The following RYR2 variants were observed in gnomAD, a reference collection of about 807,000 sequenced individuals.
The protein encoded by RYR2 is ryanodine receptor 2.
A neutral mutation model predicts 601.1 loss-of-function variants in RYR2; 227 were observed. That is an observed-to-expected ratio of 0.38 (90% CI 0.34 to 0.42). The LOEUF is 0.42. Ranked by LOEUF, RYR2 falls within the 10% of genes least tolerant of loss-of-function variation. The pLI is 1.00. For synonymous variants in RYR2, 2,223 were observed against 2,175.1 expected, an observed-to-expected ratio of 1.02 and a Z score of -0.61; for missense variants, 4,646 against 6,156.5, an observed-to-expected ratio of 0.75 and a Z score of 8.21.
At chr1:237,506,075 G>T (rs77773566) in intron 22 of RYR2, among the ~76,000 whole-genome samples, 1,523 of 152,150 alleles carry the variant, frequency 0.01, 29 homozygotes, top group African/African-American at 0.033. Context: ...GTAAGAGCTT[G>T]GGGATGATTT....
Position 237,106,169 on chromosome 1 carries a change from T to G in RYR2, c.48+63600T>G, listed in dbSNP as rs750671014. On this transcript the variant is annotated intron_variant, in intron 1 of 104. Coordinates refer to ENST00000366574, the MANE Select transcript of RYR2 (RefSeq NM_001035.3). The surrounding 1 kb of genome is among the most constrained non-coding windows in gnomAD (Gnocchi z 4.4). ...TGGGAGTCATTGCAATCCTTTGAGCTGAGGGGTAGCTCGTTCTGATTTTCA... is the reference window on the plus strand; with the variant it reads ...TGGGAGTCATTGCAATCCTTTGAGCGGAGGGGTAGCTCGTTCTGATTTTCA... 3.9e-5 allele frequency among the ~76,000 whole-genome samples: 6 copies of G among 152,316 alleles called. No individual in the cohort carries two copies. The highest frequency in any genetic ancestry group is 3.4e-3 in the Middle Eastern group (1 of 294).
intron 2 of RYR2, among the ~76,000 whole-genome samples, chr1:237,294,546 C>T (rs1692559079): frequency 6.6e-6 from 1 of 151,774 alleles, no homozygotes; most frequent in African/African-American, 2.4e-5. Context: ...TGGAAAATGA[C>T]TAAAAATGCT....
chr1:237,577,693 G>C (rs1673421983), intron 29 of RYR2, among the ~76,000 whole-genome samples: 1 of 135,794 alleles, frequency 7.4e-6, no homozygotes, highest in African/African-American at 2.8e-5. Context: ...TAGGTTGGTA[G>C]ATACTTAAGA....
At position 237,650,100 on chromosome 1, in the gene RYR2, G is replaced by A. The variant is rs1014182598; in HGVS notation, c.7733+3G>A. 9 of 1,611,052 alleles carry A rather than the reference G, an allele frequency of 5.6e-6. No individual in the cohort carries two copies. Among genetic ancestry groups the A allele is most frequent in the Admixed American group, 5.0e-5 (3 of 59,974 alleles). ...GTTTGTTTACTCTCTATTTGTGGGT[G>A]AGTGGATAACAAATTCTATTCCGGC... On this transcript the variant is annotated splice_donor_region_variant and intron_variant, in intron 50 of 104. Coordinates refer to ENST00000366574, the MANE Select transcript of RYR2 (RefSeq NM_001035.3).
intron 41 of RYR2, among the ~76,000 whole-genome samples, chr1:237,629,297 A>G (rs1214864273): frequency 6.6e-6 from 1 of 152,180 alleles, no homozygotes; most frequent in African/African-American, 2.4e-5. Context: ...TTTGTGGTAC[A>G]GCAAAAGCCC....
chr1:237,220,543 A>C (rs115029294), intron 1 of RYR2, among the ~76,000 whole-genome samples: 191 of 152,178 alleles, frequency 1.3e-3, no homozygotes, highest in African/African-American at 4.5e-3. Context: ...CCTGTGAGCC[A>C]ATTCCTCCCA....
At position 237,784,925 on chromosome 1, in the gene RYR2, C is replaced by T. The variant is rs568257273; in HGVS notation, c.13213C>T (p.Leu4405Phe). The change falls in exon 90 of 105, where the codon CTC becomes TTC. Residue 4405 changes from leucine to phenylalanine, a missense_variant. Coordinates refer to ENST00000366574, the MANE Select transcript of RYR2 (RefSeq NM_001035.3). The surrounding 1 kb of genome is among the most constrained non-coding windows in gnomAD (Gnocchi z 7.1). ...PHNPNAGLSD[L>F]MSNPVPMPEV... is the part of the protein sequence containing the mutation. The stretch of plus-strand genomic sequence containing the variant: ...TAATCCAAATGCTGGGCTCAGTGAC[C>T]TCATGAGCAACCCAGTCCCCATGCC... 21 of 1,607,668 alleles carry T rather than the reference C, an allele frequency of 1.3e-5. No individual in the cohort carries two copies. In the South Asian group the frequency reaches 2.3e-4, roughly 18 times the overall value.
chr1:237,679,558 A>G (rs771554186), intron 61 of RYR2, among the ~76,000 whole-genome samples: 4 of 152,200 alleles, frequency 2.6e-5, no homozygotes, highest in Non-Finnish European at 5.9e-5. Flanking sequence ...TCAGTGACAA[A>G]CAGAAGAGAC....
chr1:237,479,186 C>T (rs1261494252), intron 17 of RYR2, among the ~76,000 whole-genome samples: 1 of 152,126 alleles, frequency 6.6e-6, no homozygotes, highest in Non-Finnish European at 1.5e-5. Context: ...AAGTGATTTG[C>T]TCAGTTTTCC....
At chr1:237,794,047 G>A (rs769093599) in intron 95 of RYR2, 50 bp downstream of exon 95, 3 of 1,523,960 alleles carry the variant, frequency 2.0e-6, no homozygotes. Flanking sequence ...TTTCAGACAT[G>A]AAAATATTTG....
intron 97 of RYR2, among the ~76,000 whole-genome samples, chr1:237,800,455 A>C (rs2149413590): frequency 6.6e-6 from 1 of 152,288 alleles, no homozygotes; most frequent in South Asian, 2.1e-4. Flanking sequence ...AGTAAGTTAA[A>C]TGAGCCTTAA....
At chr1:237,210,360 A>T (rs1193430753) in intron 1 of RYR2, among the ~76,000 whole-genome samples, 1 of 152,150 alleles carries the variant, frequency 6.6e-6, no homozygotes, top group Non-Finnish European at 1.5e-5. Context: ...ATTTTTGAAT[A>T]AAAAGAGCCT....
intron 27 of RYR2, among the ~76,000 whole-genome samples, chr1:237,560,521 T>C (rs1405181171): frequency 3.9e-5 from 6 of 152,200 alleles, no homozygotes; most frequent in Non-Finnish European, 5.9e-5. Flanking sequence ...TTCACTATGA[T>C]TGAGGGTCCT....
intron 1 of RYR2, among the ~76,000 whole-genome samples, chr1:237,128,278 T>G (rs955020911): frequency 1.3e-5 from 2 of 151,760 alleles, no homozygotes; most frequent in African/African-American, 4.8e-5. Flanking sequence ...GCAGGCTGAG[T>G]CAGGAGAATC....
chr1:237,256,514 T>G (rs1409743625), intron 1 of RYR2, among the ~76,000 whole-genome samples: 1 of 152,222 alleles, frequency 6.6e-6, no homozygotes, highest in Admixed American at 6.5e-5. Context: ...TGGGGCTGGC[T>G]GTGCCCTTGA....
At chr1:237,758,260 C>T (rs1301810535) in intron 82 of RYR2, among the ~76,000 whole-genome samples, 1 of 152,156 alleles carries the variant, frequency 6.6e-6, no homozygotes, top group Non-Finnish European at 1.5e-5. Flanking sequence ...ATTCAGAAGT[C>T]CTTAGATCCA....
chr1:237,751,166 T>G (rs570704140), intron 80 of RYR2, among the ~76,000 whole-genome samples: 10 of 152,224 alleles, frequency 6.6e-5, no homozygotes, highest in Admixed American at 3.9e-4. Flanking sequence ...GTCCCAAGTT[T>G]TCTTCTTGTT....
chr1:237,798,647 G>A (rs1055019638), intron 97 of RYR2, among the ~76,000 whole-genome samples: 7 of 152,048 alleles, frequency 4.6e-5, no homozygotes, highest in African/African-American at 9.7e-5. Context: ...GGCTTAGTGC[G>A]TCAGAAATAA....
At chr1:237,588,644 C>T (rs1362957134) in intron 29 of RYR2, among the ~76,000 whole-genome samples, 2 of 152,052 alleles carry the variant, frequency 1.3e-5, no homozygotes, top group Admixed American at 1.3e-4. Context: ...ACCAGCCTGG[C>T]CAACATGGTG....
Sources: allele counts gnomAD v4.1 joint callset (sites outside exome capture counted in the v4.1 genomes callset), GRCh38; gene constraint gnomAD v4.1.1; non-coding constraint Gnocchi (gnomAD v3.1); transcripts MANE v1.5; gene names NCBI Gene and HGNC (gene_info 2026-07-23, HGNC 2026-07-21).